Variants in TMEM108 observed in about 807,000 individuals in gnomAD.
The protein encoded by TMEM108 is cancer/testis antigen 124.
Under a neutral mutation model 35.1 loss-of-function variants are expected in TMEM108, and 12 were observed. That is an observed-to-expected ratio of 0.34 (90% CI 0.22 to 0.55). The LOEUF (loss-of-function observed/expected upper bound fraction) is 0.55, where lower values mean the gene tolerates loss of function less well. Ranked by LOEUF, TMEM108 falls within the 20% of genes least tolerant of loss-of-function variation. The pLI, the probability that TMEM108 is intolerant of heterozygous loss-of-function variation, is 0.89. For missense variants in TMEM108, 680 were observed against 753.3 expected (o/e 0.90, Z 1.14); for synonymous variants, 287 against 308.6 (o/e 0.93, Z 0.73).
At chr3:133,351,286 T>G (rs7647133) in intron 3 of TMEM108, among the ~76,000 whole-genome samples, 49,871 of 152,038 alleles carry the variant, frequency 0.33, 8,764 homozygotes, top group East Asian at 0.48. Flanking sequence ...GGTGGGAAGG[T>G]GCTGATCTTC....
intron 2 of TMEM108, among the ~76,000 whole-genome samples, chr3:133,111,844 G>C (rs1370387202): frequency 6.6e-6 from 1 of 152,140 alleles, no homozygotes; most frequent in Admixed American, 6.6e-5. Context: ...ACTGTCATCA[G>C]TAAATGGAGT....
intron 3 of TMEM108, among the ~76,000 whole-genome samples, chr3:133,271,268 G>A (rs1946767845): frequency 6.6e-6 from 1 of 152,206 alleles, no homozygotes; most frequent in Non-Finnish European, 1.5e-5. Context: ...ACAGGAGGAG[G>A]ACCAGAGAAT....
chr3:133,084,191 G>GT (rs1238891857), intron 2 of TMEM108, among the ~76,000 whole-genome samples: 1 of 151,824 alleles, frequency 6.6e-6, no homozygotes, highest in Non-Finnish European at 1.5e-5. Flanking sequence ...TAAACCATGT[G>GT]TATTCAGCTT....
At chr3:133,180,073 A>G (rs1026114705) in intron 2 of TMEM108, among the ~76,000 whole-genome samples, 2 of 152,198 alleles carry the variant, frequency 1.3e-5, no homozygotes, top group African/African-American at 4.8e-5. Context: ...GGCTTATAAT[A>G]TATTCTAGTA....
intron 2 of TMEM108, among the ~76,000 whole-genome samples, chr3:133,154,717 G>A (rs957053209): frequency 1.3e-5 from 2 of 152,024 alleles, no homozygotes; most frequent in African/African-American, 2.4e-5. Flanking sequence ...GTTGTGGGGT[G>A]GGGGGACGGG....
chr3:133,058,859 T>C (rs1943504510), intron 2 of TMEM108, among the ~76,000 whole-genome samples: 1 of 152,260 alleles, frequency 6.6e-6, no homozygotes, highest in Non-Finnish European at 1.5e-5. Flanking sequence ...GAGAGGCACA[T>C]AGCAGGAGCT....
At position 133,264,904 on chromosome 3, in the gene TMEM108, T is replaced by G. The variant is rs149827544; in HGVS notation, c.40+35553T>G. 2.3e-3 allele frequency among the ~76,000 whole-genome samples: 353 copies of G among 152,168 alleles called. 7 individuals carry two copies. Among genetic ancestry groups the G allele is most frequent in the Non-Finnish European group, 6.8e-4 (46 of 68,008 alleles). ...GCAGAAAGGGATTGCATATAAGGAA[T>G]TATATGCTTCCAAAATTACTGGGAA... On this transcript the variant is annotated intron_variant, in intron 3 of 5. Coordinates refer to ENST00000321871, the MANE Select transcript of TMEM108 (RefSeq NM_023943.4).
chr3:133,269,292 A>G (rs1346698383), intron 3 of TMEM108, among the ~76,000 whole-genome samples: 2 of 152,220 alleles, frequency 1.3e-5, no homozygotes, highest in Non-Finnish European at 2.9e-5. Context: ...AAAAACTGAT[A>G]AATGAGCATT....
intron 3 of TMEM108, among the ~76,000 whole-genome samples, chr3:133,334,401 C>T (rs1470694086): frequency 6.6e-6 from 1 of 152,120 alleles, no homozygotes; most frequent in Non-Finnish European, 1.5e-5. Flanking sequence ...AGCAGATTGT[C>T]AGGAAAATCC....
chr3:133,233,609 T>C (rs13080004), intron 3 of TMEM108, among the ~76,000 whole-genome samples: 29,208 of 149,324 alleles, frequency 0.2, 3,337 homozygotes, highest in Middle Eastern at 0.3. Flanking sequence ...CCTGAGGAAT[T>C]GCCACACTGA....
intron 3 of TMEM108, among the ~76,000 whole-genome samples, chr3:133,236,656 C>G (rs1025046242): frequency 6.6e-6 from 1 of 152,096 alleles, no homozygotes; most frequent in African/African-American, 2.4e-5. Context: ...AGAGAACTCT[C>G]TTTGGTGCCT....
chr3:133,395,334 G>C (rs1192981773), intron 5 of TMEM108, among the ~76,000 whole-genome samples: 2 of 152,216 alleles, frequency 1.3e-5, no homozygotes, highest in African/African-American at 4.8e-5. Flanking sequence ...GGCCCTTGAA[G>C]CCTCTTGACA....
At chr3:133,326,702 T>C (rs1246346650) in intron 3 of TMEM108, among the ~76,000 whole-genome samples, 2 of 152,210 alleles carry the variant, frequency 1.3e-5, no homozygotes, top group Non-Finnish European at 2.9e-5. Flanking sequence ...GAAGGAACCG[T>C]ACTTTGTGCT....
rs556757614 is a variant in TMEM108 at position 133,313,201 on chromosome 3, AT to A, written c.41-66537del. 5.9e-3 allele frequency among the ~76,000 whole-genome samples: 847 copies of A among 144,708 alleles called. 3 individuals carry two copies. The highest frequency in any genetic ancestry group is 0.036 in the Middle Eastern group (10 of 278). The allele number at this position is 144,708 out of a possible 152,430, so 94.9% of individuals were successfully genotyped here. On this transcript the variant is annotated intron_variant, in intron 3 of 5. Coordinates refer to ENST00000321871, the MANE Select transcript of TMEM108 (RefSeq NM_023943.4). ...TAATTTCTGCAAATACATATATATA[AT>A]TTTTTTTTTTTTTGAGATGGAGTCT...
intron 2 of TMEM108, among the ~76,000 whole-genome samples, chr3:133,074,518 C>A (rs867749645): frequency 6.6e-6 from 1 of 152,236 alleles, no homozygotes. Context: ...GAGACGAAGT[C>A]TTGCTCTGTT....
At chr3:133,254,917 A>G (rs1946523809) in intron 3 of TMEM108, among the ~76,000 whole-genome samples, 1 of 152,128 alleles carries the variant, frequency 6.6e-6, no homozygotes, top group Non-Finnish European at 1.5e-5. Context: ...ATTCATTCAT[A>G]TTTCTGGTGG....
intron 4 of TMEM108, among the ~76,000 whole-genome samples, chr3:133,383,507 G>C (rs2073066602): frequency 6.6e-6 from 1 of 152,162 alleles, no homozygotes; most frequent in South Asian, 2.1e-4. Flanking sequence ...CTCCCTCTTT[G>C]AGCTGGATAG....
At chr3:133,096,611 C>T (rs1322803437) in intron 2 of TMEM108, among the ~76,000 whole-genome samples, 2 of 152,192 alleles carry the variant, frequency 1.3e-5, no homozygotes, top group Admixed American at 1.3e-4. Flanking sequence ...GCCTCCCCTA[C>T]CACCATGCAC....
chr3:133,250,147 C>T (rs936262414), intron 3 of TMEM108, among the ~76,000 whole-genome samples: 1 of 152,146 alleles, frequency 6.6e-6, no homozygotes, highest in Non-Finnish European at 1.5e-5. Context: ...CTAGATAGGA[C>T]TATGCTAGGA....
Sources: allele counts gnomAD v4.1 joint callset (sites outside exome capture counted in the v4.1 genomes callset), GRCh38; gene constraint gnomAD v4.1.1; transcripts MANE v1.5; gene names NCBI Gene and HGNC (gene_info 2026-07-23, HGNC 2026-07-21).